Variants in PDZRN3 observed in about 807,000 individuals in gnomAD.
PDZRN3 encodes E3 ubiquitin-protein ligase PDZRN3.
In PDZRN3, 38 loss-of-function variants were observed where a neutral mutation model predicts 85.7. The ratio of observed to expected loss-of-function variants is 0.44; its 90% CI spans 0.34 to 0.58. PDZRN3 has a LOEUF of 0.58. Ranked by LOEUF, PDZRN3 falls within the 20% of genes least tolerant of loss-of-function variation. The pLI, the probability that PDZRN3 is intolerant of heterozygous loss-of-function variation, is 0.01. For missense variants in PDZRN3, 1,629 were observed against 1,506.4 expected (o/e 1.08, Z -1.35); for synonymous variants, 759 against 638.0 (o/e 1.19, Z -2.86).
intron 3 of PDZRN3, among the ~76,000 whole-genome samples, chr3:73,449,392 T>C (rs1350334218): frequency 6.6e-6 from 1 of 151,148 alleles, no homozygotes; most frequent in Non-Finnish European, 1.5e-5. Context: ...GAGAGGGAAA[T>C]AAAAACCTGC....
intron 1 of PDZRN3, among the ~76,000 whole-genome samples, chr3:73,610,727 A>G (rs900317701): frequency 6.6e-6 from 1 of 152,228 alleles, no homozygotes; most frequent in African/African-American, 2.4e-5. Flanking sequence ...TAGTTTGACA[A>G]TCTCAAGTGA....
At chr3:73,390,713 C>G (rs1701506472) in intron 6 of PDZRN3, among the ~76,000 whole-genome samples, 1 of 151,596 alleles carries the variant, frequency 6.6e-6, no homozygotes. Flanking sequence ...CCATTCCACT[C>G]AATGAACACG....
chr3:73,529,198 C>T (rs1238466937), intron 3 of PDZRN3, among the ~76,000 whole-genome samples: 1 of 152,192 alleles, frequency 6.6e-6, no homozygotes, highest in East Asian at 1.9e-4. Flanking sequence ...TGATTATCTT[C>T]TAAACACGGA....
chr3:73,607,131 G>A (rs567100035), intron 2 of PDZRN3, among the ~76,000 whole-genome samples: 15 of 152,246 alleles, frequency 9.9e-5, no homozygotes, highest in African/African-American at 9.6e-5. Flanking sequence ...AAACCCCAGC[G>A]TCCAACCGCT....
chr3:73,623,665 A>G (rs1368876955), intron 1 of PDZRN3: 2 of 155,536 alleles, frequency 1.3e-5, no homozygotes, highest in Non-Finnish European at 2.8e-5. Context: ...CACGGATACA[A>G]TTCACCCAAT....
intron 3 of PDZRN3, among the ~76,000 whole-genome samples, chr3:73,435,764 C>A (rs528847533): frequency 6.6e-6 from 1 of 152,096 alleles, no homozygotes; most frequent in Non-Finnish European, 1.5e-5. Flanking sequence ...TGCTTCTCTA[C>A]CCTAGTTCAT....
intron 3 of PDZRN3, among the ~76,000 whole-genome samples, chr3:73,583,344 TG>T (rs1702228116): frequency 6.6e-6 from 1 of 152,238 alleles, no homozygotes; most frequent in Non-Finnish European, 1.5e-5. Flanking sequence ...TAGAATTTTA[TG>T]GAAGTAAATT....
chr3:73,526,868 G>A (rs1255342979), intron 3 of PDZRN3, among the ~76,000 whole-genome samples: 8 of 151,268 alleles, frequency 5.3e-5, no homozygotes, highest in Admixed American at 5.3e-4. Flanking sequence ...TTTTTTTTGA[G>A]TTGGAGTTTT....
intron 3 of PDZRN3, among the ~76,000 whole-genome samples, chr3:73,446,353 A>G (rs1192429607): frequency 6.6e-6 from 1 of 152,182 alleles, no homozygotes; most frequent in Non-Finnish European, 1.5e-5. Flanking sequence ...CACAGCAGCT[A>G]ATGACCAATC....
intron 3 of PDZRN3, among the ~76,000 whole-genome samples, chr3:73,431,015 A>G (rs1191152123): frequency 1.3e-5 from 2 of 151,998 alleles, no homozygotes; most frequent in African/African-American, 2.4e-5. Flanking sequence ...AACCCCCACC[A>G]CCTGGACACC....
intron 3 of PDZRN3, among the ~76,000 whole-genome samples, chr3:73,414,187 G>T (rs970351343): frequency 1.3e-5 from 2 of 152,124 alleles, no homozygotes; most frequent in African/African-American, 4.8e-5. Context: ...TTTTTGAAGC[G>T]CCTGAATCTT....
intron 3 of PDZRN3, among the ~76,000 whole-genome samples, chr3:73,514,522 C>A (rs1313599952): frequency 6.6e-6 from 1 of 152,062 alleles, no homozygotes. Context: ...GCTTTAAGGG[C>A]CATGAATACA....
chr3:73,394,900 C>T (rs6549533), intron 5 of PDZRN3, among the ~76,000 whole-genome samples: 66,170 of 152,042 alleles, frequency 0.44, 14,826 homozygotes, highest in East Asian at 0.71. Flanking sequence ...TGGATCTGTA[C>T]GGATTTATGG....
intron 3 of PDZRN3, among the ~76,000 whole-genome samples, chr3:73,587,521 TGTATAAAAACAAACAAAA>T (rs1224570864): frequency 6.6e-6 from 1 of 152,212 alleles, no homozygotes; most frequent in African/African-American, 2.4e-5. Context: ...TTTTCAGAAT[TGTATAAAAACAAACAAAA>T]GTTTGTTTAT....
intron 8 of PDZRN3, among the ~76,000 whole-genome samples, chr3:73,386,043 C>T (rs1290112256): frequency 1.3e-5 from 2 of 151,608 alleles, no homozygotes; most frequent in Non-Finnish European, 2.9e-5. Context: ...GAAACTCTTT[C>T]ATCCATCTCA....
At chr3:73,404,692 A>C (rs1420839511) in intron 3 of PDZRN3, 1 of 337,290 alleles carries the variant, frequency 3.0e-6, no homozygotes, top group Admixed American at 4.5e-5. Flanking sequence ...CTGTGAAAGA[A>C]AAGGCCAGCC....
chr3:73,490,239 C>A (rs904381148), intron 3 of PDZRN3, among the ~76,000 whole-genome samples: 2 of 152,212 alleles, frequency 1.3e-5, no homozygotes, highest in Non-Finnish European at 2.9e-5. Context: ...AAAGGGAGCA[C>A]CCCATACAGA....
intron 3 of PDZRN3, among the ~76,000 whole-genome samples, chr3:73,571,752 C>T (rs1268669367): frequency 6.6e-6 from 1 of 152,180 alleles, no homozygotes; most frequent in Non-Finnish European, 1.5e-5. Flanking sequence ...CAACAGACTG[C>T]TCCAAGAGTT....
chr3:73,462,148 T>C (rs1703117409), intron 3 of PDZRN3, among the ~76,000 whole-genome samples: 1 of 152,226 alleles, frequency 6.6e-6, no homozygotes, highest in African/African-American at 2.4e-5. Context: ...ATGATGCTGT[T>C]CTTTATGCTC....
Sources: gnomAD v4.1 joint callset for allele counts (sites outside exome capture counted in the v4.1 genomes callset) on GRCh38, gnomAD v4.1.1 for gene constraint, MANE v1.5 for transcripts, NCBI Gene and HGNC (gene_info 2026-07-23, HGNC 2026-07-21) for gene names.